The following BTRC variants were observed in gnomAD, a reference collection of about 807,000 sequenced individuals.
BTRC encodes beta-transducin repeat containing E3 ubiquitin protein ligase, also known as F-box/WD repeat-containing protein 1A.
Under a neutral mutation model 85.5 loss-of-function variants are expected in BTRC, and 42 were observed. The observed-to-expected ratio is 0.49, with a 90% CI of 0.38 to 0.64. The LOEUF is 0.64. Ranked by LOEUF, BTRC falls within the 30% of genes least tolerant of loss-of-function variation. The pLI, the probability that BTRC is intolerant of heterozygous loss-of-function variation, is 0.00. For missense variants in BTRC, 594 were observed against 743.5 expected (o/e 0.80, Z 2.34); for synonymous variants, 255 against 263.3 (o/e 0.97, Z 0.30).
intron 1 of BTRC, among the ~76,000 whole-genome samples, chr10:101,386,914 C>T (rs890186673): frequency 2.4e-4 from 37 of 152,174 alleles, no homozygotes; most frequent in African/African-American, 8.4e-4. Flanking sequence ...TTGGTTTTTA[C>T]GTTTAGAATT....
At chr10:101,455,227 T>C (rs897564128) in intron 2 of BTRC, among the ~76,000 whole-genome samples, 1 of 151,682 alleles carries the variant, frequency 6.6e-6, no homozygotes, top group Admixed American at 6.6e-5. Context: ...ATTTTTTTTT[T>C]TTTTTTTTAT....
intron 2 of BTRC, among the ~76,000 whole-genome samples, chr10:101,443,030 C>T (rs1272694929): frequency 6.6e-6 from 1 of 151,760 alleles, no homozygotes; most frequent in Admixed American, 6.6e-5. Context: ...TACAGGCACC[C>T]GCCACCATGC....
At chr10:101,491,953 A>G (rs1293198903) in intron 4 of BTRC, among the ~76,000 whole-genome samples, 1 of 151,954 alleles carries the variant, frequency 6.6e-6, no homozygotes, top group African/African-American at 2.4e-5. Flanking sequence ...TTTTGTGTGT[A>G]TGTGTAGTTG....
At chr10:101,527,900 CTACTTCA>C (rs1339160329) in intron 6 of BTRC, among the ~76,000 whole-genome samples, 3 of 152,004 alleles carry the variant, frequency 2.0e-5, no homozygotes, top group Admixed American at 2.0e-4. Context: ...CTTTCATAAC[CTACTTCA>C]TACTTTGGAA....
At chr10:101,423,877 G>C (rs769103978) in intron 1 of BTRC, among the ~76,000 whole-genome samples, 26 of 152,208 alleles carry the variant, frequency 1.7e-4, no homozygotes, top group Non-Finnish European at 3.2e-4. Flanking sequence ...ATTCACAGAA[G>C]CCTATTCCTG....
intron 3 of BTRC, among the ~76,000 whole-genome samples, chr10:101,464,027 T>C (rs1358433449): frequency 6.6e-6 from 1 of 151,832 alleles, no homozygotes; most frequent in African/African-American, 2.4e-5. Context: ...GTTTGGAGAA[T>C]CAACACCTGA....
chr10:101,404,583 G>C (rs530269365), intron 1 of BTRC, among the ~76,000 whole-genome samples: 12 of 152,202 alleles, frequency 7.9e-5, no homozygotes, highest in Non-Finnish European at 1.5e-4. Context: ...GTAGGATTGT[G>C]GTTTCAATGT....
intron 2 of BTRC, among the ~76,000 whole-genome samples, chr10:101,435,677 T>G (rs917628269): frequency 6.6e-6 from 1 of 152,176 alleles, no homozygotes; most frequent in Non-Finnish European, 1.5e-5. Context: ...GTCTTTTTTT[T>G]GGCATGTATT....
intron 1 of BTRC, among the ~76,000 whole-genome samples, chr10:101,391,558 G>C (rs567421925): frequency 6.6e-6 from 1 of 152,168 alleles, no homozygotes; most frequent in Non-Finnish European, 1.5e-5. Context: ...TTGTTCATCT[G>C]ATGTATGTTG....
intron 1 of BTRC, among the ~76,000 whole-genome samples, chr10:101,426,936 A>G (rs1436446655): frequency 2.0e-5 from 3 of 151,652 alleles, no homozygotes; most frequent in Non-Finnish European, 4.4e-5. Context: ...TTCTTCCACT[A>G]TTTCCTTTGT....
At position 101,366,790 on chromosome 10, in the gene BTRC, T is replaced by TAA. The variant is rs1448574403; in HGVS notation, c.48+12562_48+12563insAA. Among the ~76,000 whole-genome samples, 12 of 59,146 alleles carry TAA rather than the reference T, an allele frequency of 2.0e-4. 1 individual carries two copies. Among genetic ancestry groups the TAA allele is most frequent in the Non-Finnish European group, 3.7e-4 (10 of 27,360 alleles). 38.8% of individuals were successfully genotyped at this position (59,146 alleles called of 152,430 possible). A position where few individuals can be genotyped will look rare whatever the true frequency, so the allele number is the denominator to read the frequency against. ...GTTATATATATATATATATATATAT[T>TAA]TTTACATTTATATATATATTTATAT... On this transcript the variant is annotated intron_variant, in intron 1 of 14. Transcript: ENST00000370187.
intron 1 of BTRC, among the ~76,000 whole-genome samples, chr10:101,429,431 TTTTG>T (rs551361789): frequency 1.3e-5 from 2 of 151,948 alleles, no homozygotes; most frequent in African/African-American, 2.4e-5. Context: ...TCTTAGGTAT[TTTTG>T]TTTGTTTGTT....
At chr10:101,445,779 C>A (rs1286148119) in intron 2 of BTRC, among the ~76,000 whole-genome samples, 1 of 152,128 alleles carries the variant, frequency 6.6e-6, no homozygotes, top group Admixed American at 6.5e-5. Context: ...TCCCCAGAGG[C>A]CTTGGACTCT....
chr10:101,519,531 C>G (rs2062071897), intron 4 of BTRC, among the ~76,000 whole-genome samples: 1 of 152,186 alleles, frequency 6.6e-6, no homozygotes, highest in Non-Finnish European at 1.5e-5. Flanking sequence ...TCTTCTGTAA[C>G]CCGTTGAAGC....
intron 2 of BTRC, among the ~76,000 whole-genome samples, chr10:101,447,759 A>ATCAT (rs1396022705): frequency 6.6e-6 from 1 of 152,214 alleles, no homozygotes; most frequent in African/African-American, 2.4e-5. Context: ...ATTTTAAAAT[A>ATCAT]TCATTCATTA....
chr10:101,380,099 T>C (rs1031203741), intron 1 of BTRC, among the ~76,000 whole-genome samples: 1 of 152,154 alleles, frequency 6.6e-6, no homozygotes, highest in African/African-American at 2.4e-5. Context: ...TAGTTTAGAT[T>C]GGTAGGTAAA....
chr10:101,427,606 C>T (rs1250865474), intron 1 of BTRC, among the ~76,000 whole-genome samples: 1 of 151,684 alleles, frequency 6.6e-6, no homozygotes, highest in East Asian at 1.9e-4. Flanking sequence ...CCGCTCATTG[C>T]TGCCCTGATA....
intron 1 of BTRC, among the ~76,000 whole-genome samples, chr10:101,406,333 C>T (rs1276950597): frequency 1.3e-5 from 2 of 151,596 alleles, no homozygotes; most frequent in African/African-American, 4.8e-5. Flanking sequence ...CCCGCCACTA[C>T]GCCCGGCTAA....
intron 1 of BTRC, among the ~76,000 whole-genome samples, chr10:101,409,020 G>A (rs1363599100): frequency 6.6e-6 from 1 of 152,142 alleles, no homozygotes; most frequent in Non-Finnish European, 1.5e-5. Context: ...CTGCACTCCA[G>A]CCTGGGCGAC....
Sources: allele counts gnomAD v4.1 joint callset (sites outside exome capture counted in the v4.1 genomes callset), GRCh38; gene constraint gnomAD v4.1.1; transcripts MANE v1.5; gene names NCBI Gene and HGNC (gene_info 2026-07-23, HGNC 2026-07-21).